Variants in ARL14EP observed in about 807,000 individuals in gnomAD.
ARL14EP encodes ARF like GTPase 14 effector protein, also known as ARL14 effector protein.
In ARL14EP, 12 loss-of-function variants were observed where a neutral mutation model predicts 23.1. That is an observed-to-expected ratio of 0.52 (90% CI 0.33 to 0.84). The LOEUF (loss-of-function observed/expected upper bound fraction) is 0.84. Ranked by LOEUF, ARL14EP falls within the 40% of genes least tolerant of loss-of-function variation. ARL14EP has a pLI of 0.02. For synonymous variants in ARL14EP, 97 were observed against 102.0 expected (o/e 0.95, Z 0.29); for missense variants, 253 against 307.3 (o/e 0.82, Z 1.32).
At position 30,336,658 on chromosome 11, in the gene ARL14EP, T is replaced by C; in HGVS notation, c.646T>C (p.Cys216Arg). The change falls in exon 4 of 4, where the codon TGC (cysteine) becomes CGC (arginine). Residue 216 changes from cysteine to arginine, a missense_variant. Physicochemically the swap from Cys to Arg is radical, Grantham distance 180. Coordinates refer to ENST00000282032, the MANE Select transcript of ARL14EP (RefSeq NM_152316.3). ...MDLCDCLDED[C>R]LGCFYACPAC... ...CCTCTGTGACTGCCTGGATGAAGACTGCTTAGGATGTTTCTATGCTTGTCC... is the reference window on the plus strand; with the variant it reads ...CCTCTGTGACTGCCTGGATGAAGACCGCTTAGGATGTTTCTATGCTTGTCC... 6.2e-7 allele frequency: 1 copy of C among 1,614,206 alleles called. No homozygotes were observed.
Position 30,337,827 on chromosome 11 carries a change from A to G in ARL14EP, c.*1032A>G, listed in dbSNP as rs1293967220. The G allele has an allele frequency of 6.6e-6, 1 of 152,236 alleles. No individual in the cohort carries two copies. The highest frequency in any genetic ancestry group is 2.4e-5 in the African/African-American group (1 of 41,464). The allele number at this position is 152,236 out of a possible 1,614,324, so 9.4% of individuals were successfully genotyped here. A position where few individuals can be genotyped will look rare whatever the true frequency, so the allele number is the denominator to read the frequency against. On this transcript the variant is annotated 3_prime_UTR_variant, in exon 4 of 4. Coordinates refer to ENST00000282032, the MANE Select transcript of ARL14EP (RefSeq NM_152316.3). Reference sequence around the variant, plus strand: ...CAGAAAAAAAGGCAAGCCCTATTCAAACTACTTTGTTTTTACAATGAAATA... The same window carrying G: ...CAGAAAAAAAGGCAAGCCCTATTCAGACTACTTTGTTTTTACAATGAAATA...
intron 2 of ARL14EP, 148 bp from the exon 3 acceptor site, chr11:30,332,718 G>A: frequency 2.4e-6 from 2 of 837,404 alleles, no homozygotes; most frequent in Non-Finnish European, 3.6e-6. Flanking sequence ...AAATTTTCTT[G>A]CACTTAGGCT....
intron 1 of ARL14EP, among the ~76,000 whole-genome samples, chr11:30,325,315 A>G (rs1480016657): frequency 6.6e-6 from 1 of 152,176 alleles, no homozygotes. Context: ...CAGATCAGCA[A>G]ATTATTCATA....
At chr11:30,324,310 C>A (rs948605688) in intron 1 of ARL14EP, among the ~76,000 whole-genome samples, 4 of 152,068 alleles carry the variant, frequency 2.6e-5, no homozygotes, top group African/African-American at 9.7e-5. Context: ...AAAGAGACAT[C>A]AGTTGACCTA....
chr11:30,330,902 C>T lies in ARL14EP; in HGVS notation c.-47C>T, dbSNP rs1455380038. ...TTTCTCTAGGGTGATCAGCCCATGA[C>T]CTAAACCTCCAGACAAAATAAAACG... is the stretch of plus-strand genomic sequence containing the variant. On this transcript the variant is annotated 5_prime_UTR_variant, in exon 2 of 4. Coordinates refer to ENST00000282032, the MANE Select transcript of ARL14EP (RefSeq NM_152316.3). 1.3e-6 allele frequency: 2 copies of T among 1,563,954 alleles called. No homozygotes were observed. Among genetic ancestry groups the T allele is most frequent in the South Asian group, 2.2e-5 (2 of 88,922 alleles).
At chr11:30,332,227 CTGT>C (rs905991137) in intron 2 of ARL14EP, among the ~76,000 whole-genome samples, 33 of 150,722 alleles carry the variant, frequency 2.2e-4, no homozygotes, top group African/African-American at 7.8e-4. Context: ...TACTATTTTC[CTGT>C]TGTTGTCTTC....
intron 2 of ARL14EP, chr11:30,331,893 T>C (rs907611460): frequency 3.6e-6 from 3 of 839,024 alleles, no homozygotes; most frequent in Admixed American, 1.2e-4. Flanking sequence ...GAATTTTCTT[T>C]GCTTCTAGTT....
At position 30,331,491 on chromosome 11, in the gene ARL14EP, AAGG is replaced by A. The variant is rs1947283063; in HGVS notation, c.426+121_426+123del. The stretch of plus-strand genomic sequence containing the variant: ...AATTTGTTAGCATACAGTGAATTAA[AAGG>A]AGGGGTGAAAGTGGATGATGTTTCT... On this transcript the variant is annotated intron_variant, in intron 2 of 3. Transcript: ENST00000282032. The A allele has an allele frequency of 3.9e-6, 6 of 1,529,910 alleles. No homozygotes were observed. The East Asian group carries it at 1.2e-4, about 31-fold the overall frequency. The allele number at this position is 1,529,910 out of a possible 1,614,324, so 94.8% of individuals were successfully genotyped here.
intron 3 of ARL14EP, among the ~76,000 whole-genome samples, chr11:30,333,894 A>G (rs1385019154): frequency 1.3e-5 from 2 of 152,218 alleles, no homozygotes. Flanking sequence ...CATTGAACAC[A>G]AATGATAAGA....
chr11:30,334,208 CTTTTT>C (rs36111177), intron 3 of ARL14EP, among the ~76,000 whole-genome samples: 182 of 86,038 alleles, frequency 2.1e-3, no homozygotes, highest in African/African-American at 8.0e-3. Flanking sequence ...GACCAGCCTT[CTTTTT>C]TTTTTTTTTT....
At chr11:30,335,223 A>G (rs999994936) in intron 3 of ARL14EP, among the ~76,000 whole-genome samples, 8 of 152,238 alleles carry the variant, frequency 5.3e-5, no homozygotes, top group Non-Finnish European at 1.0e-4. Context: ...AGTTATTGCA[A>G]TCTTGTGATA....
In ARL14EP at chr11:30,337,519, G is replaced by A. The variant is rs1414556281; in HGVS notation, c.*724G>A. On this transcript the variant is annotated 3_prime_UTR_variant, in exon 4 of 4. Transcript: ENST00000282032. ...TTTGTAGAAGAAGTCACTGACCATG[G>A]GAATGTTGTTCTTGCTGCTGTGTAT... The A allele has an allele frequency of 6.6e-6, 1 of 152,198 alleles. No individual in the cohort carries two copies. The highest frequency in any genetic ancestry group is 1.5e-5 in the Non-Finnish European group (1 of 68,094). The allele number at this position is 152,198 out of a possible 1,614,324, so 9.4% of individuals were successfully genotyped here.
intron 1 of ARL14EP, among the ~76,000 whole-genome samples, chr11:30,324,814 G>A (rs182707778): frequency 5.9e-5 from 9 of 152,334 alleles, no homozygotes; most frequent in African/African-American, 2.2e-4. Flanking sequence ...AAGGTAGTAG[G>A]AGAGGTCTAA....
At position 30,334,208 on chromosome 11, in the gene ARL14EP, C is replaced by CTTTTTTTTTTTTT. The variant is rs36111177; in HGVS notation, c.554+1228_554+1240dup. Among the ~76,000 whole-genome samples the CTTTTTTTTTTTTT allele has an allele frequency of 7.3e-4, 63 of 86,020 alleles. 2 individuals carry two copies. Among genetic ancestry groups the CTTTTTTTTTTTTT allele is most frequent in the East Asian group, 2.2e-3 (3 of 1,362 alleles). The allele number at this position is 86,020 out of a possible 152,430, so 56.4% of individuals were successfully genotyped here. A position where few individuals can be genotyped will look rare whatever the true frequency, so the allele number is the denominator to read the frequency against. On this transcript the variant is annotated intron_variant, in intron 3 of 3. Coordinates refer to ENST00000282032, the MANE Select transcript of ARL14EP (RefSeq NM_152316.3). ...CAGATTTTCAATGTAGACCAGCCTT[C>CTTTTTTTTTTTTT]TTTTTTTTTTTTTTTTTTTTTTTTT... is the stretch of plus-strand genomic sequence containing the variant.
rs1252423074 is a variant in ARL14EP at position 30,336,632 on chromosome 11, A to T, written c.620A>T (p.Asp207Val). Residue 207 changes from aspartate to valine, a missense_variant, in exon 4 of 4, where the codon GAC (aspartate) becomes GTC (valine). Transcript: ENST00000282032. ...SQGLLIFSGM[D>V]LCDCLDEDCL... ...GGTCTCCTGATTTTTAGTGGGATGG[A>T]CCTCTGTGACTGCCTGGATGAAGAC... The T allele has an allele frequency of 6.2e-7, 1 of 1,613,940 alleles. No individual in the cohort carries two copies. Among genetic ancestry groups the T allele is most frequent in the African/African-American group, 1.3e-5 (1 of 74,870 alleles).
Position 30,338,014 on chromosome 11 carries a change from T to C in ARL14EP, c.*1219T>C, listed in dbSNP as rs1947347847. 4.6e-5 allele frequency: 7 copies of C among 152,346 alleles called. No individual in the cohort carries two copies. The South Asian group carries it at 1.4e-3, about 32-fold the overall frequency. The allele number at this position is 152,346 out of a possible 1,614,324, so 9.4% of individuals were successfully genotyped here. On this transcript the variant is annotated 3_prime_UTR_variant, in exon 4 of 4. Transcript: ENST00000282032. ...CAATCATCATTTTCCCTATTGATTA[T>C]TAAGATTGCAGGACCATTTTTATGG...
intron 1 of ARL14EP, chr11:30,329,874 A>G (rs1228613089): frequency 1.3e-5 from 2 of 152,036 alleles, no homozygotes; most frequent in East Asian, 3.9e-4. Flanking sequence ...TTATACAGAA[A>G]TGTGTAAATT....
chr11:30,331,801 G>A, intron 2 of ARL14EP: 19 of 993,354 alleles, frequency 1.9e-5, no homozygotes, highest in Non-Finnish European at 2.3e-5. Context: ...CATTAGAGAG[G>A]TGACTTACAG....
intron 1 of ARL14EP, among the ~76,000 whole-genome samples, chr11:30,326,206 T>A (rs1219404907): frequency 6.6e-6 from 1 of 152,234 alleles, no homozygotes; most frequent in Non-Finnish European, 1.5e-5. Flanking sequence ...TTGAATTATC[T>A]GAAGCAGTAC....
Sources: allele counts gnomAD v4.1 joint callset (sites outside exome capture counted in the v4.1 genomes callset), GRCh38; gene constraint gnomAD v4.1.1; transcripts MANE v1.5; gene names NCBI Gene and HGNC (gene_info 2026-07-23, HGNC 2026-07-21).